Variants in CAMK2G observed in about 807,000 individuals in gnomAD.
The protein encoded by CAMK2G is calcium/calmodulin-dependent protein kinase type II subunit gamma.
CAMK2G carries 23 observed loss-of-function variants against 88.7 expected under a neutral mutation model. The observed-to-expected ratio is 0.26, with a 90% confidence interval of 0.19 to 0.37. The LOEUF (loss-of-function observed/expected upper bound fraction) is 0.37, where lower values mean the gene tolerates loss of function less well. Among genes scored for constraint, CAMK2G ranks in the 10% least tolerant of loss-of-function variants. The pLI is 1.00. For missense variants in CAMK2G, 476 were observed against 780.8 expected (o/e 0.61, Z 4.65); for synonymous variants, 263 against 294.8 (o/e 0.89, Z 1.11).
In CAMK2G at chr10:73,839,769, C is replaced by A. The variant is rs921705508; in HGVS notation, c.947-168G>T. On this transcript the variant is annotated intron_variant, in intron 12 of 22. Transcript: ENST00000423381. The surrounding 1 kb of genome is among the most constrained non-coding windows in gnomAD (Gnocchi z 4.2). ...GAGGAGGTAGGCGCAGCCAGCCCTG[C>A]AGCAGTCTGGGGGCCTGGGAAGACC... 6.6e-5 allele frequency among the ~76,000 whole-genome samples: 10 copies of A among 152,168 alleles called. No homozygotes were observed. Among genetic ancestry groups the A allele is most frequent in the African/African-American group, 2.4e-4 (10 of 41,458 alleles).
intron 10 of CAMK2G, chr10:73,846,346 G>A (rs1223896243): frequency 6.6e-6 from 1 of 152,112 alleles, no homozygotes; most frequent in African/African-American, 2.4e-5. Context: ...TTAACGTTCT[G>A]AGGACCTCGT....
At chr10:73,832,332 C>A (rs1168514376) in intron 14 of CAMK2G, among the ~76,000 whole-genome samples, 1 of 151,198 alleles carries the variant, frequency 6.6e-6, no homozygotes, top group Non-Finnish European at 1.5e-5. Flanking sequence ...TTTTTTGAGA[C>A]AGAATCTTGC....
At chr10:73,864,747 C>T (rs1489782279) in intron 2 of CAMK2G, among the ~76,000 whole-genome samples, 2 of 152,040 alleles carry the variant, frequency 1.3e-5, no homozygotes, top group African/African-American at 2.4e-5. Flanking sequence ...GGTTCACGCC[C>T]TTCTCCTGCC....
intron 3 of CAMK2G, among the ~76,000 whole-genome samples, chr10:73,856,771 G>A (rs567477018): frequency 1.1e-4 from 16 of 152,214 alleles, no homozygotes; most frequent in Non-Finnish European, 2.1e-4. Flanking sequence ...CCTAATTGCT[G>A]TTCTTTAAAA....
At chr10:73,869,638 G>A (rs4746154) in intron 2 of CAMK2G, among the ~76,000 whole-genome samples, 24,321 of 152,204 alleles carry the variant, frequency 0.16, 2,171 homozygotes, top group South Asian at 0.25. Flanking sequence ...CAGGCACTTC[G>A]CTAGGGCCTG....
intron 16 of CAMK2G, among the ~76,000 whole-genome samples, 177 bp downstream of exon 16, chr10:73,825,102 G>A (rs936054335): frequency 6.6e-6 from 1 of 152,204 alleles, no homozygotes; most frequent in African/African-American, 2.4e-5. Context: ...GATGGAGCGC[G>A]GCCAGGCGGG....
Position 73,819,595 on chromosome 10 carries a change from A to G in CAMK2G, c.1300T>C (p.Ser434Pro). The change falls in exon 19 of 23, where the codon TCC becomes CCC. Residue 434 changes from serine to proline, a missense_variant. Ser to Pro is a moderately conservative substitution (Grantham distance 74, BLOSUM62 -1). Transcript: ENST00000423381. ...GCAGAGGGGGCTGTTCTGTCCCGGGAGCTCCGTCCTTCAGGCACCGAGCTG... is the reference window on the plus strand; with the variant it reads ...GCAGAGGGGGCTGTTCTGTCCCGGGGGCTCCGTCCTTCAGGCACCGAGCTG... Reference protein sequence around the residue: ...NGSSVPEGRSSRDRTAPSAGM... With the variant: ...NGSSVPEGRSPRDRTAPSAGM... 1.3e-6 allele frequency: 2 copies of G among 1,548,182 alleles called. No homozygotes were observed. The highest frequency in any genetic ancestry group is 2.4e-5 in the South Asian group (2 of 83,982).
intron 21 of CAMK2G, chr10:73,815,754 A>C (rs747034499): frequency 6.5e-5 from 62 of 956,320 alleles, no homozygotes; most frequent in Non-Finnish European, 7.0e-5. Flanking sequence ...TTGATTTGTA[A>C]TTTTTTTTAA....
At chr10:73,818,809 GCGAAGAGGGTTGTGCTTAGAAAC>G (rs1436950958) in intron 19 of CAMK2G, 1 of 456,306 alleles carries the variant, frequency 2.2e-6, no homozygotes, top group Non-Finnish European at 4.4e-6. Flanking sequence ...GGCCCCACGG[GCGAAGAGGGTTGTGCTTAGAAAC>G]TCTGCAAGGA....
At chr10:73,849,161 C>T (rs1484151263) in intron 6 of CAMK2G, 46 bp from the exon 7 acceptor site, 1 of 1,581,736 alleles carries the variant, frequency 6.3e-7, no homozygotes, top group Non-Finnish European at 8.7e-7. Context: ...ACCCTGCAGC[C>T]CAGAGGAAGC....
intron 2 of CAMK2G, among the ~76,000 whole-genome samples, chr10:73,871,683 A>T (rs895238892): frequency 1.3e-5 from 2 of 152,020 alleles, no homozygotes; most frequent in Middle Eastern, 3.4e-3. Context: ...CCATCCTCAG[A>T]CTCAAGGTAC....
intron 2 of CAMK2G, among the ~76,000 whole-genome samples, chr10:73,864,351 T>C (rs1432791917): frequency 6.6e-6 from 1 of 151,330 alleles, no homozygotes; most frequent in South Asian, 2.1e-4. Context: ...GTATTCAAGA[T>C]GCTAGGAAGA....
intron 2 of CAMK2G, among the ~76,000 whole-genome samples, chr10:73,863,581 C>A (rs1319195013): frequency 6.6e-6 from 1 of 152,232 alleles, no homozygotes; most frequent in Admixed American, 6.5e-5. Context: ...GTTGCCTGGG[C>A]AGGTGCAGGA....
chr10:73,838,175 T>C (rs923841317), intron 13 of CAMK2G, among the ~76,000 whole-genome samples: 3 of 152,148 alleles, frequency 2.0e-5, no homozygotes, highest in African/African-American at 2.4e-5. Flanking sequence ...TAGCCAGGCA[T>C]AGGGTGACGC....
At chr10:73,847,860 G>C in intron 9 of CAMK2G, 128 bp downstream of exon 9, 2 of 608,618 alleles carry the variant, frequency 3.3e-6, no homozygotes. Context: ...CCCATTCCTG[G>C]GTCCTCAAAG....
intron 13 of CAMK2G, among the ~76,000 whole-genome samples, chr10:73,838,332 G>T (rs1052764532): frequency 6.6e-6 from 1 of 152,222 alleles, no homozygotes; most frequent in African/African-American, 2.4e-5. Context: ...TGGACTGCCT[G>T]CCCTGGGTCT....
rs200674624 is a variant in CAMK2G, at chr10:73,847,972, G to C, written c.696+16C>G. The C allele has an allele frequency of 1.7e-5, 26 of 1,531,844 alleles. No individual in the cohort carries two copies. The East Asian group carries it at 5.2e-4, about 30-fold the overall frequency. 94.9% of individuals were successfully genotyped at this position (1,531,844 alleles called of 1,614,324 possible). ...CTGCCCTTCCTGGCCTGGCTGCCCG[G>C]CTCTCTGGTCCTTACATCATAGGCT... is the stretch of plus-strand genomic sequence containing the variant. On this transcript the variant is annotated intron_variant, in intron 9 of 22. Coordinates refer to ENST00000423381, the MANE Select transcript of CAMK2G (RefSeq NM_001367534.1).
intron 3 of CAMK2G, among the ~76,000 whole-genome samples, 192 bp from the exon 4 acceptor site, chr10:73,853,438 G>A (rs1247232938): frequency 6.6e-6 from 1 of 152,242 alleles, no homozygotes; most frequent in African/African-American, 2.4e-5. Flanking sequence ...CCAGAGCCTG[G>A]CGCTCTGGTT....
chr10:73,818,264 G>A, intron 19 of CAMK2G: 1 of 193,698 alleles, frequency 5.2e-6, no homozygotes, highest in South Asian at 1.0e-4. Context: ...GCCAGGACGT[G>A]TTCCTCAGGA....
Sources: allele counts gnomAD v4.1 joint callset (sites outside exome capture counted in the v4.1 genomes callset), GRCh38; gene constraint gnomAD v4.1.1; non-coding constraint Gnocchi (gnomAD v3.1); transcripts MANE v1.5; gene names NCBI Gene and HGNC (gene_info 2026-07-23, HGNC 2026-07-21).